The following AREG variants were observed in gnomAD, a reference collection of about 807,000 sequenced individuals.
AREG encodes the protein amphiregulin B.
AREG carries 16 observed loss-of-function variants against 28.0 expected under a neutral mutation model. That is an observed-to-expected ratio of 0.57 (90% confidence interval 0.39 to 0.87). The LOEUF (loss-of-function observed/expected upper bound fraction) is 0.87, where lower values mean the gene tolerates loss of function less well. AREG is among the 40% of genes least tolerant of loss of function. The pLI is 0.00. For synonymous variants in AREG, 113 were observed against 113.5 expected, an observed-to-expected ratio of 1.00 and a Z score of 0.02; for missense variants, 287 against 309.1, an observed-to-expected ratio of 0.93 and a Z score of 0.53.
At chr4:74,449,280 A>G (rs1369474133) in intron 3 of AREG, 32 bp downstream of exon 3, 1 of 1,613,434 alleles carries the variant, frequency 6.2e-7, no homozygotes, top group African/African-American at 1.3e-5. Flanking sequence ...AGAATTTTGT[A>G]TTTCTAGCAC....
At chr4:74,449,631 GTC>G (rs1367100821) in intron 3 of AREG, among the ~76,000 whole-genome samples, 2 of 152,186 alleles carry the variant, frequency 1.3e-5, no homozygotes, top group East Asian at 3.9e-4. Context: ...ACAGCCTGTA[GTC>G]CCAGCAGTCT....
chr4:74,452,914 G>GA (rs11410511), intron 5 of AREG, among the ~76,000 whole-genome samples: 111,072 of 151,862 alleles, frequency 0.73, 41,063 homozygotes, highest in East Asian at 0.98. Flanking sequence ...TAGTAGATAG[G>GA]AAAAAAATGT....
rs898075165 is a variant in AREG, at chr4:74,454,828, T to A, written c.*88T>A. 3.9e-5 allele frequency: 27 copies of A among 700,454 alleles called. No individual in the cohort carries two copies. The African/African-American group carries it at 4.2e-4, about 11-fold the overall frequency. The allele number at this position is 700,454 out of a possible 1,614,324, so 43.4% of individuals were successfully genotyped here. A position where few individuals can be genotyped will look rare whatever the true frequency, so the allele number is the denominator to read the frequency against. On this transcript the variant is annotated 3_prime_UTR_variant, in exon 6 of 6. Transcript: ENST00000395748. ...AGTCGGTCCTCTTTCCAGTGGATCA[T>A]AAGACAATGGACCCTTTTTGTTATG...
chr4:74,445,208 G>C lies in AREG; in HGVS notation c.-138G>C. The C allele has an allele frequency of 6.7e-7, 1 of 1,496,236 alleles. No homozygotes were observed. Among genetic ancestry groups the C allele is most frequent in the Non-Finnish European group, 9.0e-7 (1 of 1,117,100 alleles). The allele number at this position is 1,496,236 out of a possible 1,614,324, so 92.7% of individuals were successfully genotyped here. On this transcript the variant is annotated 5_prime_UTR_variant, in exon 1 of 6. Transcript: ENST00000395748. Reference sequence around the variant, plus strand: ...CCCGAGGCGCCGCGCCCGCCGCCCCGAGCTCCCCAAGCCTTCGAGAGCGGC... The same window carrying C: ...CCCGAGGCGCCGCGCCCGCCGCCCCCAGCTCCCCAAGCCTTCGAGAGCGGC...
At chr4:74,450,022 T>A (rs1022392611) in intron 3 of AREG, among the ~76,000 whole-genome samples, 11 of 152,078 alleles carry the variant, frequency 7.2e-5, no homozygotes, top group African/African-American at 2.7e-4. Flanking sequence ...TTGCATAATC[T>A]TTCACATTGT....
chr4:74,453,933 A>G (rs532016559), intron 5 of AREG, among the ~76,000 whole-genome samples: 218 of 152,072 alleles, frequency 1.4e-3, no homozygotes, highest in Admixed American at 2.8e-3. Context: ...AAAAAAAAAA[A>G]AAAAAGAATT....
Position 74,449,187 on chromosome 4 carries a change from C to A in AREG, c.451C>A (p.Gln151Lys). 6.2e-7 allele frequency: 1 copy of A among 1,613,116 alleles called. No individual in the cohort carries two copies. The highest frequency in any genetic ancestry group is 8.5e-7 in the Non-Finnish European group (1 of 1,179,760). ...GAAAAATCCATGTAATGCAGAATTT[C>A]AAAATTTCTGCATTCACGGAGAATG... ...KKKNPCNAEF[Q>K]NFCIHGECKY... The change falls in exon 3 of 6, where the codon CAA becomes AAA. Residue 151 changes from glutamine to lysine, a missense_variant. Coordinates refer to ENST00000395748, the MANE Select transcript of AREG (RefSeq NM_001657.4).
At chr4:74,453,591 T>C (rs1177640404) in intron 5 of AREG, among the ~76,000 whole-genome samples, 1 of 152,136 alleles carries the variant, frequency 6.6e-6, no homozygotes, top group Non-Finnish European at 1.5e-5. Flanking sequence ...AGTTATTGAT[T>C]GTCTAACTTC....
At chr4:74,448,096 A>T (rs1350095212) in intron 2 of AREG, among the ~76,000 whole-genome samples, 7 of 152,366 alleles carry the variant, frequency 4.6e-5, no homozygotes, top group South Asian at 4.1e-4. Flanking sequence ...GTTAGTGCTT[A>T]TCGCAACACT....
At chr4:74,450,763 A>C (rs896554877) in intron 4 of AREG, among the ~76,000 whole-genome samples, 1 of 152,242 alleles carries the variant, frequency 6.6e-6, no homozygotes, top group African/African-American at 2.4e-5. Flanking sequence ...AAGATCTAGA[A>C]ATTTTTTGAA....
chr4:74,446,443 G>A lies in AREG; in HGVS notation c.62-91G>A, dbSNP rs1719287708. The A allele has an allele frequency of 6.2e-6, 10 of 1,607,126 alleles. No homozygotes were observed. In the South Asian group the frequency reaches 1.1e-4, roughly 18 times the overall value. On this transcript the variant is annotated intron_variant, in intron 1 of 5. Coordinates refer to ENST00000395748, the MANE Select transcript of AREG (RefSeq NM_001657.4). ...GCACATGTGCAATAACTGCTTTGATGTCAAAAGATAAACTTTTCTACCTAA... is the reference window on the plus strand; with the variant it reads ...GCACATGTGCAATAACTGCTTTGATATCAAAAGATAAACTTTTCTACCTAA...
chr4:74,452,719 A>G (rs985670183), intron 5 of AREG, 64 bp downstream of exon 5: 184 of 1,392,266 alleles, frequency 1.3e-4, no homozygotes, highest in Non-Finnish European at 1.8e-4. Context: ...AACACTATAT[A>G]ATCTCAAGAA....
intron 1 of AREG, among the ~76,000 whole-genome samples, chr4:74,445,622 C>G (rs1024081704): frequency 3.3e-5 from 5 of 152,176 alleles, no homozygotes; most frequent in Non-Finnish European, 7.4e-5. Flanking sequence ...TGTACTTTTT[C>G]TTTAGTTCAG....
At chr4:74,450,962 A>T (rs1719371771) in intron 4 of AREG, among the ~76,000 whole-genome samples, 1 of 152,230 alleles carries the variant, frequency 6.6e-6, no homozygotes, top group East Asian at 1.9e-4. Flanking sequence ...AAAGAACTAC[A>T]AATCATCAGC....
At chr4:74,451,363 A>G (rs1019687775) in intron 4 of AREG, among the ~76,000 whole-genome samples, 4 of 152,222 alleles carry the variant, frequency 2.6e-5, no homozygotes, top group Non-Finnish European at 4.4e-5. Flanking sequence ...ATGTGCTACT[A>G]GAGCTTGGGA....
chr4:74,445,437 C>T, intron 1 of AREG, 31 bp downstream of exon 1: 2 of 1,597,876 alleles, frequency 1.3e-6, no homozygotes, highest in Non-Finnish European at 1.7e-6. Flanking sequence ...AACTGCTGGG[C>T]TCTCCTCCCA....
In AREG at chr4:74,449,171, A is replaced by G. The variant is rs1034795858; in HGVS notation, c.435A>G (p.Pro145=). 3.4e-5 allele frequency: 55 copies of G among 1,613,130 alleles called. No homozygotes were observed. In the Admixed American group the frequency reaches 8.7e-4, roughly 25 times the overall value. Residue 145 remains proline (P), a synonymous_variant, in exon 3 of 6, where the codon CCA becomes CCG. Transcript: ENST00000395748. ...GAAGAAACAGAAAGAAGAAAAATCC[A>G]TGTAATGCAGAATTTCAAAATTTCT... ...KNRRNRKKKN[P]CNAEFQNFCI... is the part of the protein sequence containing the mutation.
At position 74,446,766 on chromosome 4, in the gene AREG, C is replaced by T. The variant is rs757715918; in HGVS notation, c.294C>T (p.Val98=). The T allele has an allele frequency of 8.1e-6, 13 of 1,613,698 alleles. No homozygotes were observed. The East Asian group carries it at 8.9e-5, about 11-fold the overall frequency. Residue 98 remains valine (V), a synonymous_variant, in exon 2 of 6, where the codon GTC becomes GTT. Transcript: ENST00000395748. The part of the protein sequence containing the change: ...DNEPQIPGYI[V]DDSVRVEQVV... ...AACCACAAATACCTGGCTATATTGT[C>T]GATGATTCAGTCAGAGGTGAGTAGG...
Position 74,449,822 on chromosome 4 carries a change from C to T in AREG, c.513-558C>T, listed in dbSNP as rs1388952337. Among the ~76,000 whole-genome samples the T allele has an allele frequency of 2.0e-5, 3 of 151,962 alleles. No homozygotes were observed. In the East Asian group the frequency reaches 5.8e-4, roughly 29 times the overall value. ...CAGGTTGTTTAACAAAACAAAAAAG[C>T]AGCAAATGGCTGGATTTGATCCATG... On this transcript the variant is annotated intron_variant, in intron 3 of 5. Coordinates refer to ENST00000395748, the MANE Select transcript of AREG (RefSeq NM_001657.4).
Sources: allele counts gnomAD v4.1 joint callset (sites outside exome capture counted in the v4.1 genomes callset), GRCh38; gene constraint gnomAD v4.1.1; transcripts MANE v1.5; gene names NCBI Gene and HGNC (gene_info 2026-07-23, HGNC 2026-07-21).